The following AEBP2 variants were observed in gnomAD, a reference collection of about 807,000 sequenced individuals.
The protein encoded by AEBP2 is AE binding protein 2, also known as zinc finger protein AEBP2.
In AEBP2, 10 loss-of-function variants were observed where a neutral mutation model predicts 50.8. The observed-to-expected ratio is 0.20, with a 90% CI of 0.12 to 0.33. AEBP2 has a LOEUF of 0.33. Among genes scored for constraint, AEBP2 ranks in the 10% least tolerant of loss-of-function variants. The pLI, the probability that AEBP2 is intolerant of heterozygous loss-of-function variation, is 1.00. For missense variants in AEBP2, 570 were observed against 688.0 expected (o/e 0.83, Z 1.92); for synonymous variants, 296 against 261.3 (o/e 1.13, Z -1.28).
intron 1 of AEBP2, chr12:19,456,946 T>C: frequency 6.7e-7 from 1 of 1,501,646 alleles, no homozygotes; most frequent in Non-Finnish European, 9.3e-7. Flanking sequence ...GTCCAGAGCC[T>C]CAAGCAGCAT....
chr12:19,432,249 C>T (rs573887803), intron 1 of AEBP2, among the ~76,000 whole-genome samples: 2 of 152,248 alleles, frequency 1.3e-5, no homozygotes, highest in Non-Finnish European at 2.9e-5. Context: ...GTCTGGATCC[C>T]TAAGAGAAAC....
intron 2 of AEBP2, among the ~76,000 whole-genome samples, chr12:19,472,904 AT>A (rs1948592368): frequency 6.6e-6 from 1 of 152,108 alleles, no homozygotes; most frequent in African/African-American, 2.4e-5. Context: ...CCTATTTAAA[AT>A]TAATAGATGT....
intron 2 of AEBP2, among the ~76,000 whole-genome samples, chr12:19,464,592 AT>A (rs71067023): frequency 4.3e-4 from 64 of 147,778 alleles, no homozygotes; most frequent in African/African-American, 1.2e-3. Flanking sequence ...TAATTAATTA[AT>A]TTTTTTTTTT....
rs1427178929 is a variant in AEBP2 at position 19,519,624 on chromosome 12, C to T, written c.*1507C>T. The stretch of plus-strand genomic sequence containing the variant: ...TGGTTGAGGAGTTTTCACTTTACTA[C>T]AGTGATATAAAAACCAGCAGTTTTT... On this transcript the variant is annotated 3_prime_UTR_variant, in exon 8 of 8. Transcript: ENST00000266508. The T allele has an allele frequency of 6.6e-6, 1 of 152,476 alleles. No homozygotes were observed. Among genetic ancestry groups the T allele is most frequent in the East Asian group, 1.9e-4 (1 of 5,186 alleles). The allele number at this position is 152,476 out of a possible 1,614,324, so 9.4% of individuals were successfully genotyped here.
intron 1 of AEBP2, among the ~76,000 whole-genome samples, chr12:19,452,512 T>G (rs80051271): frequency 0.025 from 3,879 of 152,260 alleles, 53 homozygotes; most frequent in East Asian, 0.043. Context: ...TTCTTTTTTT[T>G]TTGTTGTTAA....
At chr12:19,499,301 A>C (rs923874242) in intron 4 of AEBP2, among the ~76,000 whole-genome samples, 10 of 152,168 alleles carry the variant, frequency 6.6e-5, no homozygotes, top group Non-Finnish European at 1.0e-4. Context: ...GTTCATAATC[A>C]AGAAAATACT....
rs71067027 is a variant in AEBP2 at position 19,481,092 on chromosome 12, C to CTTTTTTTTTTTTTTTTTTTTTTT, written c.987+7741_987+7763dup. Among the ~76,000 whole-genome samples the CTTTTTTTTTTTTTTTTTTTTTTT allele has an allele frequency of 1.8e-4, 13 of 74,054 alleles. 6 individuals carry two copies. Among genetic ancestry groups the CTTTTTTTTTTTTTTTTTTTTTTT allele is most frequent in the Admixed American group, 4.0e-4 (2 of 5,056 alleles). 48.6% of individuals were successfully genotyped at this position (74,054 alleles called of 152,430 possible). ...TGTTATTGAAACTTTGCAGTGCATC[C>CTTTTTTTTTTTTTTTTTTTTTTT]TTTTTTTTTTTTTTTTTTTTTTTTT... On this transcript the variant is annotated intron_variant, in intron 3 of 7. Transcript: ENST00000266508.
Position 19,518,182 on chromosome 12 carries a change from G to T in AEBP2, c.*65G>T. The T allele has an allele frequency of 2.7e-6, 4 of 1,477,498 alleles. No homozygotes were observed. The highest frequency in any genetic ancestry group is 2.5e-5 in the Admixed American group (1 of 39,492). 91.5% of individuals were successfully genotyped at this position (1,477,498 alleles called of 1,614,324 possible). A position where few individuals can be genotyped will look rare whatever the true frequency, so the allele number is the denominator to read the frequency against. Reference sequence around the variant, plus strand: ...CCTGCAGTCTTAGTCACTGACAATGGGTTTAGGGAAAGTTGCACATTAGAG... The same window carrying T: ...CCTGCAGTCTTAGTCACTGACAATGTGTTTAGGGAAAGTTGCACATTAGAG... On this transcript the variant is annotated 3_prime_UTR_variant, in exon 8 of 8. Transcript: ENST00000266508.
At chr12:19,480,040 G>T (rs751353607) in intron 3 of AEBP2, among the ~76,000 whole-genome samples, 2 of 150,260 alleles carry the variant, frequency 1.3e-5, no homozygotes, top group Non-Finnish European at 3.0e-5. Flanking sequence ...CTTAATAGCT[G>T]TTTTTTTTTC....
At chr12:19,452,212 T>TG (rs1456639384) in intron 1 of AEBP2, among the ~76,000 whole-genome samples, 1 of 152,152 alleles carries the variant, frequency 6.6e-6, no homozygotes, top group East Asian at 1.9e-4. Flanking sequence ...AGGTTGGTCT[T>TG]GAACTCCTGG....
chr12:19,405,471 A>G (rs935517467), intron 1 of AEBP2, among the ~76,000 whole-genome samples: 2 of 151,560 alleles, frequency 1.3e-5, no homozygotes, highest in South Asian at 2.1e-4. Context: ...ACTGACAGGC[A>G]TGTACCACCA....
chr12:19,512,729 G>C (rs1051457155), intron 6 of AEBP2, among the ~76,000 whole-genome samples: 1 of 151,374 alleles, frequency 6.6e-6, no homozygotes, highest in African/African-American at 2.4e-5. Flanking sequence ...TGGGAGGCTG[G>C]GGGAGGCCGG....
At chr12:19,419,957 G>A (rs73071020) in intron 1 of AEBP2, among the ~76,000 whole-genome samples, 11,178 of 151,810 alleles carry the variant, frequency 0.074, 465 homozygotes, top group South Asian at 0.18. Context: ...TCCTTGGTAC[G>A]GTATCTATAT....
At chr12:19,514,809 T>G (rs1178524250) in intron 7 of AEBP2, 25 bp downstream of exon 7, 1 of 1,549,510 alleles carries the variant, frequency 6.5e-7, no homozygotes, top group Admixed American at 1.9e-5. Context: ...GCCTTTATGT[T>G]TTACTTTTTG....
At chr12:19,505,655 G>A (rs925930576) in intron 5 of AEBP2, among the ~76,000 whole-genome samples, 4 of 152,234 alleles carry the variant, frequency 2.6e-5, no homozygotes, top group African/African-American at 9.6e-5. Flanking sequence ...GAGAGTAGGA[G>A]TTAAGTTTGA....
chr12:19,478,781 G>T (rs546937224), intron 3 of AEBP2, among the ~76,000 whole-genome samples: 1 of 152,212 alleles, frequency 6.6e-6, no homozygotes, highest in African/African-American at 2.4e-5. Flanking sequence ...AGTTTTGAGG[G>T]TTCCTTTTGG....
At chr12:19,457,369 CT>C (rs1471018701) in intron 1 of AEBP2, 63 of 1,445,294 alleles carry the variant, frequency 4.4e-5, no homozygotes, top group Non-Finnish European at 5.8e-5. Flanking sequence ...TCTCTGTGTC[CT>C]AGGGCATCAA....
At chr12:19,446,892 A>T (rs2153367257) in intron 1 of AEBP2, among the ~76,000 whole-genome samples, 1 of 152,262 alleles carries the variant, frequency 6.6e-6, no homozygotes, top group African/African-American at 2.4e-5. Context: ...GTGCCACTGT[A>T]GTCAAACCTG....
At chr12:19,430,478 C>T (rs7957967) in intron 1 of AEBP2, among the ~76,000 whole-genome samples, 4,215 of 152,048 alleles carry the variant, frequency 0.028, 63 homozygotes, top group East Asian at 0.045. Context: ...TGGTTCCATA[C>T]GGATTTTAAA....
Sources: allele counts gnomAD v4.1 joint callset (sites outside exome capture counted in the v4.1 genomes callset), GRCh38; gene constraint gnomAD v4.1.1; transcripts MANE v1.5; gene names NCBI Gene and HGNC (gene_info 2026-07-23, HGNC 2026-07-21).